FAR2: variants seen among roughly 807,000 people sequenced by gnomAD.
The protein encoded by FAR2 is epididymis secretory protein Li 81.
FAR2 carries 19 observed loss-of-function variants against 56.0 expected under a neutral mutation model. That is an observed-to-expected ratio of 0.34 (90% CI 0.24 to 0.50). FAR2 has a LOEUF of 0.50. Among genes scored for constraint, FAR2 ranks in the 20% least tolerant of loss-of-function variants. The pLI, the probability that FAR2 is intolerant of heterozygous loss-of-function variation, is 0.98. For synonymous variants in FAR2, 219 were observed against 218.8 expected (o/e 1.00, Z -0.01); for missense variants, 508 against 642.2 (o/e 0.79, Z 2.26).
At chr12:29,286,431 A>C (rs1948877901) in intron 2 of FAR2, among the ~76,000 whole-genome samples, 2 of 152,226 alleles carry the variant, frequency 1.3e-5, no homozygotes, top group Non-Finnish European at 2.9e-5. Context: ...TATCATGAGG[A>C]AAGTGAAACT....
intron 1 of FAR2, among the ~76,000 whole-genome samples, chr12:29,186,852 A>G (rs1351588041): frequency 2.0e-5 from 3 of 151,898 alleles, no homozygotes; most frequent in Non-Finnish European, 4.4e-5. Context: ...GCAGTGGCGC[A>G]ATCTCGGCTC....
intron 10 of FAR2, among the ~76,000 whole-genome samples, chr12:29,323,101 G>A (rs773317889): frequency 9.9e-5 from 15 of 152,214 alleles, no homozygotes; most frequent in South Asian, 2.1e-4. Context: ...CACCATGTGC[G>A]GGAGCACATG....
Position 29,253,787 on chromosome 12 carries a change from C to G in FAR2, c.-38-16625C>G, listed in dbSNP as rs138957774. ...CTTTTACAAACAATATTAACAACAG[C>G]TTGCATTTTTATAATGCTTTACATT... On this transcript the variant is annotated intron_variant, in intron 1 of 11. Transcript: ENST00000536681. Among the ~76,000 whole-genome samples the G allele has an allele frequency of 7.9e-4, 121 of 152,256 alleles. No individual in the cohort carries two copies. The East Asian group carries it at 0.017, about 22-fold the overall frequency.
chr12:29,181,228 G>A (rs920925108), intron 1 of FAR2, among the ~76,000 whole-genome samples: 7 of 152,058 alleles, frequency 4.6e-5, no homozygotes, highest in Non-Finnish European at 1.0e-4. Context: ...CACACTAAAG[G>A]TTGAATGTTT....
intron 1 of FAR2, among the ~76,000 whole-genome samples, chr12:29,261,609 T>C (rs1948419464): frequency 6.6e-6 from 1 of 152,032 alleles, no homozygotes; most frequent in South Asian, 2.1e-4. Flanking sequence ...AAGAAGATTA[T>C]CTCAAGACAT....
intron 1 of FAR2, among the ~76,000 whole-genome samples, chr12:29,258,049 T>A (rs1948355530): frequency 6.6e-6 from 1 of 151,960 alleles, no homozygotes; most frequent in Non-Finnish European, 1.5e-5. Flanking sequence ...TTTCCACCGA[T>A]AAAAATCACA....
chr12:29,281,329 A>C (rs1028839838), intron 2 of FAR2: 1 of 152,244 alleles, frequency 6.6e-6, no homozygotes, highest in African/African-American at 2.4e-5. Context: ...AATCCTGATT[A>C]GCGAGTATTG....
intron 1 of FAR2, among the ~76,000 whole-genome samples, chr12:29,249,575 T>G (rs1351966856): frequency 1.3e-5 from 2 of 152,212 alleles, no homozygotes; most frequent in Non-Finnish European, 2.9e-5. Context: ...TGATCTTTGA[T>G]GTTCATAGTA....
intron 8 of FAR2, among the ~76,000 whole-genome samples, chr12:29,313,655 T>C (rs1949391499): frequency 6.6e-6 from 1 of 152,134 alleles, no homozygotes; most frequent in Admixed American, 6.5e-5. Flanking sequence ...ATTATATTTG[T>C]CTCTTTTTCT....
chr12:29,212,548 T>G lies in FAR2; in HGVS notation c.-38-57864T>G, dbSNP rs533166752. On this transcript the variant is annotated intron_variant, in intron 1 of 11. Transcript: ENST00000536681. ...TAATTACTCATAATTTATATTCTAT[T>G]CCATATATAGATGACCCCCAAATTT... Among the ~76,000 whole-genome samples the G allele has an allele frequency of 3.6e-3, 546 of 152,326 alleles. 3 individuals are homozygous for G. The highest frequency in any genetic ancestry group is 3.3e-3 in the Non-Finnish European group (223 of 68,032).
chr12:29,258,668 A>G (rs1382960895), intron 1 of FAR2, among the ~76,000 whole-genome samples: 2 of 152,206 alleles, frequency 1.3e-5, no homozygotes, highest in African/African-American at 4.8e-5. Flanking sequence ...AAGCCAACAG[A>G]ATTATCTGAA....
At chr12:29,294,870 T>G (rs1174969962) in intron 3 of FAR2, among the ~76,000 whole-genome samples, 1 of 152,160 alleles carries the variant, frequency 6.6e-6, no homozygotes, top group Non-Finnish European at 1.5e-5. Flanking sequence ...TAAAGCAGCT[T>G]TATTTTTTTT....
rs1317175894 is a variant in FAR2 at position 29,199,610 on chromosome 12, A to G, written c.-39+50203A>G. On this transcript the variant is annotated intron_variant, in intron 1 of 11. Transcript: ENST00000536681. ...GCGAGACCCCGTCTCAAAAAAAAAA[A>G]AAAAAGAAAGAAAAGAAACAAACAA... 1.1e-3 allele frequency among the ~76,000 whole-genome samples: 89 copies of G among 82,414 alleles called. No homozygotes were observed. The South Asian group carries it at 0.027, about 25-fold the overall frequency. The allele number at this position is 82,414 out of a possible 152,430, so 54.1% of individuals were successfully genotyped here. A position where few individuals can be genotyped will look rare whatever the true frequency, so the allele number is the denominator to read the frequency against.
intron 1 of FAR2, among the ~76,000 whole-genome samples, chr12:29,189,192 A>G (rs1161124479): frequency 1.3e-5 from 2 of 152,208 alleles, no homozygotes; most frequent in Non-Finnish European, 2.9e-5. Context: ...CCTGTATGGA[A>G]GATTTGCCCA....
At chr12:29,191,416 A>C (rs1950102000) in intron 1 of FAR2, among the ~76,000 whole-genome samples, 1 of 152,258 alleles carries the variant, frequency 6.6e-6, no homozygotes, top group Non-Finnish European at 1.5e-5. Context: ...ATATGAACTG[A>C]AATGGACAAT....
chr12:29,268,413 A>G (rs67517901), intron 1 of FAR2, among the ~76,000 whole-genome samples: 49,625 of 152,166 alleles, frequency 0.33, 8,326 homozygotes, highest in Non-Finnish European at 0.37. Context: ...AAAACACTTC[A>G]TGGTGCGTTT....
intron 1 of FAR2, among the ~76,000 whole-genome samples, chr12:29,177,036 T>C (rs1949945710): frequency 6.6e-6 from 1 of 152,246 alleles, no homozygotes; most frequent in Non-Finnish European, 1.5e-5. Context: ...CGAGTGCTTA[T>C]GTCACAAAAT....
chr12:29,245,481 T>TG (rs1025978128), intron 1 of FAR2, among the ~76,000 whole-genome samples: 9 of 152,132 alleles, frequency 5.9e-5, no homozygotes, highest in East Asian at 5.8e-4. Context: ...GGGTTGGGCT[T>TG]GGGGGGTCTC....
At chr12:29,290,048 G>T (rs143917519) in intron 2 of FAR2, among the ~76,000 whole-genome samples, 21 of 152,186 alleles carry the variant, frequency 1.4e-4, no homozygotes, top group African/African-American at 5.1e-4. Flanking sequence ...AAAAAATGTT[G>T]TCAATGATGT....
Sources: gnomAD v4.1 joint callset for allele counts (sites outside exome capture counted in the v4.1 genomes callset) on GRCh38, gnomAD v4.1.1 for gene constraint, MANE v1.5 for transcripts, NCBI Gene and HGNC (gene_info 2026-07-23, HGNC 2026-07-21) for gene names.